Variants in ZZEF1 observed in about 807,000 individuals in gnomAD.
ZZEF1 encodes the protein zinc finger ZZ-type and EF-hand domain containing 1.
A neutral mutation model predicts 342.8 loss-of-function variants in ZZEF1; 157 were observed. The observed-to-expected ratio is 0.46, with a 90% CI of 0.40 to 0.52. The LOEUF (loss-of-function observed/expected upper bound fraction) is 0.52. Among genes scored for constraint, ZZEF1 ranks in the 20% least tolerant of loss-of-function variants. ZZEF1 has a pLI of 0.00. For missense variants in ZZEF1, 3,480 were observed against 3,725.6 expected (o/e 0.93, Z 1.72); for synonymous variants, 1,505 against 1,429.1 (o/e 1.05, Z -1.20).
At chr17:4,101,810 A>T (rs902004125) in intron 9 of ZZEF1, among the ~76,000 whole-genome samples, 1 of 151,940 alleles carries the variant, frequency 6.6e-6, no homozygotes, top group Non-Finnish European at 1.5e-5. Context: ...TAGTTTTTTT[A>T]TTAGGGATGG....
chr17:4,068,942 A>G (rs937408186), intron 26 of ZZEF1, among the ~76,000 whole-genome samples: 1 of 152,206 alleles, frequency 6.6e-6, no homozygotes, highest in Admixed American at 6.5e-5. Flanking sequence ...CCTTAGACAT[A>G]TAATATCTAT....
At chr17:4,096,732 T>C (rs765342020) in intron 9 of ZZEF1, 32 bp from the exon 10 acceptor site, 2 of 1,572,794 alleles carry the variant, frequency 1.3e-6, no homozygotes, top group Admixed American at 1.7e-5. Context: ...GTTAGGGAAC[T>C]AACCCATTTT....
At chr17:4,074,613 C>T (rs2145292835) in intron 23 of ZZEF1, among the ~76,000 whole-genome samples, 1 of 152,288 alleles carries the variant, frequency 6.6e-6, no homozygotes, top group East Asian at 1.9e-4. Flanking sequence ...ACCGACTCAG[C>T]CAGTGGTCAC....
chr17:4,019,629 C>T (rs764437755), intron 46 of ZZEF1, 40 bp downstream of exon 46: 21 of 1,579,410 alleles, frequency 1.3e-5, no homozygotes, highest in Non-Finnish European at 1.8e-5. Context: ...CACATATTCT[C>T]TCCCTGGCCA....
chr17:4,134,811 G>T (rs7216304), intron 1 of ZZEF1, among the ~76,000 whole-genome samples: 1 of 151,980 alleles, frequency 6.6e-6, no homozygotes, highest in Non-Finnish European at 1.5e-5. Flanking sequence ...GACAGGGAGG[G>T]GCGTTAGGGG....
chr17:4,067,218 A>G lies in ZZEF1; in HGVS notation c.4100T>C (p.Leu1367Pro), dbSNP rs1426826169. ...ATAAACCTGGGCAAACTCTTCACTC[A>G]GGGCTATTTTGCCCCCACTGTTGAC... ...KYVNSGGKIALSEEFAQVYSL... is the reference protein window; with the variant it reads ...KYVNSGGKIAPSEEFAQVYSL... Residue 1367 changes from leucine (L) to proline (P), a missense_variant, in exon 27 of 55, where the codon CTG (leucine) becomes CCG (proline). Coordinates refer to ENST00000381638, the MANE Select transcript of ZZEF1 (RefSeq NM_015113.4). 1 of 1,613,406 alleles carries G rather than the reference A, an allele frequency of 6.2e-7. No individual in the cohort carries two copies. The highest frequency in any genetic ancestry group is 1.7e-5 in the Admixed American group (1 of 59,866).
Position 4,014,023 on chromosome 17 carries a change from T to C in ZZEF1, c.8413+67A>G, listed in dbSNP as rs980449565. On this transcript the variant is annotated intron_variant, in intron 51 of 54. Coordinates refer to ENST00000381638, the MANE Select transcript of ZZEF1 (RefSeq NM_015113.4). The surrounding 1 kb of genome is among the most constrained non-coding windows in gnomAD (Gnocchi z 4.4). ...ATTTTAACCAAGATCAGTGACATCATGGCACCCACAGCCATGGAGTGTCCC... is the reference window on the plus strand; with the variant it reads ...ATTTTAACCAAGATCAGTGACATCACGGCACCCACAGCCATGGAGTGTCCC... 11 of 1,450,340 alleles carry C rather than the reference T, an allele frequency of 7.6e-6. No homozygotes were observed. Among genetic ancestry groups the C allele is most frequent in the Admixed American group, 5.2e-5 (3 of 57,406 alleles). 89.8% of individuals were successfully genotyped at this position (1,450,340 alleles called of 1,614,324 possible). A position where few individuals can be genotyped will look rare whatever the true frequency, so the allele number is the denominator to read the frequency against.
intron 28 of ZZEF1, 141 bp downstream of exon 28, chr17:4,066,306 T>C: frequency 1.4e-6 from 1 of 713,276 alleles, no homozygotes; most frequent in East Asian, 2.5e-5. Flanking sequence ...CATCCTTGGA[T>C]ACTATATTTA....
At chr17:4,028,952 G>A (rs2056476778) in intron 42 of ZZEF1, among the ~76,000 whole-genome samples, 1 of 152,114 alleles carries the variant, frequency 6.6e-6, no homozygotes. Flanking sequence ...TTCAGAATGA[G>A]GAATATCATT....
intron 44 of ZZEF1, among the ~76,000 whole-genome samples, chr17:4,021,816 T>C (rs545777073): frequency 1.4e-4 from 22 of 152,292 alleles, no homozygotes; most frequent in African/African-American, 5.1e-4. Flanking sequence ...TTGAATACGA[T>C]GCTCATGATG....
rs890187491 is a variant in ZZEF1 at position 4,105,617 on chromosome 17, A to G, written c.1394+76T>C. On this transcript the variant is annotated intron_variant, in intron 7 of 54. Transcript: ENST00000381638. ...GTGGTGATCGTTAAAAGATTAATATATATTTTTTAAAGACTTAACAAGCAT... is the reference window on the plus strand; with the variant it reads ...GTGGTGATCGTTAAAAGATTAATATGTATTTTTTAAAGACTTAACAAGCAT... 80 of 1,091,912 alleles carry G rather than the reference A, an allele frequency of 7.3e-5. No individual in the cohort carries two copies. The Middle Eastern group carries it at 8.0e-4, about 11-fold the overall frequency. The allele number at this position is 1,091,912 out of a possible 1,614,324, so 67.6% of individuals were successfully genotyped here.
At chr17:4,122,628 G>A (rs1397815603) in intron 2 of ZZEF1, among the ~76,000 whole-genome samples, 2 of 152,072 alleles carry the variant, frequency 1.3e-5, no homozygotes, top group African/African-American at 4.8e-5. Flanking sequence ...CGGGAACTCC[G>A]CCTACCTCGG....
rs1463874001 is a variant in ZZEF1, at chr17:4,104,819, C to A, written c.1395-8G>T. On this transcript the variant is annotated splice_polypyrimidine_tract_variant and splice_region_variant and intron_variant, in intron 7 of 54. Coordinates refer to ENST00000381638, the MANE Select transcript of ZZEF1 (RefSeq NM_015113.4). The stretch of plus-strand genomic sequence containing the variant: ...TCTGGGGTAGAACAGCAGCTATAAG[C>A]AAAGAGCAAAAACTTTTCACTTCTT... 1 of 1,606,648 alleles carries A rather than the reference C, an allele frequency of 6.2e-7. No individual in the cohort carries two copies. Among genetic ancestry groups the A allele is most frequent in the South Asian group, 1.1e-5 (1 of 89,632 alleles).
chr17:4,096,732 T>G, intron 9 of ZZEF1, 32 bp from the exon 10 acceptor site: 1 of 1,572,794 alleles, frequency 6.4e-7, no homozygotes. Context: ...GTTAGGGAAC[T>G]AACCCATTTT....
At chr17:4,035,985 A>G (rs1380755274) in intron 39 of ZZEF1, among the ~76,000 whole-genome samples, 1 of 151,446 alleles carries the variant, frequency 6.6e-6, no homozygotes, top group Non-Finnish European at 1.5e-5. Flanking sequence ...CTGTAATTCC[A>G]GCTACTCAGG....
At position 4,105,765 on chromosome 17, in the gene ZZEF1, G is replaced by A; in HGVS notation, c.1322C>T (p.Ser441Phe). Residue 441 changes from serine to phenylalanine, a missense_variant, in exon 7 of 55, where the codon TCT becomes TTT. This residue lies in a region of ZZEF1 where 1,528 missense variants were observed against 1,624.1 expected (regional missense o/e 0.94). Transcript: ENST00000381638. The part of the protein sequence containing the change: ...HMPPLSLSPG[S>F]TDFSTFLSPN... ...GGAGAGGAAAGTTGAGAAATCTGTA[G>A]ATCCTGGTGAGAGAGAGAGTGGAGG... 1 of 1,613,442 alleles carries A rather than the reference G, an allele frequency of 6.2e-7. No individual in the cohort carries two copies. The highest frequency in any genetic ancestry group is 8.5e-7 in the Non-Finnish European group (1 of 1,179,778).
chr17:4,092,370 C>T (rs1231746492), intron 11 of ZZEF1, among the ~76,000 whole-genome samples: 1 of 140,942 alleles, frequency 7.1e-6, no homozygotes, highest in African/African-American at 2.6e-5. Flanking sequence ...ACAATCTTGG[C>T]TCACTGCAAC....
chr17:4,106,676 C>T (rs2058218411), intron 6 of ZZEF1, among the ~76,000 whole-genome samples: 1 of 152,066 alleles, frequency 6.6e-6, no homozygotes, highest in Non-Finnish European at 1.5e-5. Context: ...ATTTATCTTT[C>T]TGAATCCCCC....
chr17:4,049,830 ATACACC>A lies in ZZEF1; in HGVS notation c.5887_5892del (p.Gly1963_Val1964del), dbSNP rs1204731708. 1 of 1,614,202 alleles carries A rather than the reference ATACACC, an allele frequency of 6.2e-7. No individual in the cohort carries two copies. Among genetic ancestry groups the A allele is most frequent in the Non-Finnish European group, 8.5e-7 (1 of 1,180,022 alleles). On this transcript the variant is annotated inframe_deletion, in exon 37 of 55. Transcript: ENST00000381638. Reference sequence around the variant, plus strand: ...TCTAGGCTCGAGTCCCCATCTGGCAATACACCCAGCAAAGCTAGAGCTTTAAGGCCT... The same window carrying A: ...TCTAGGCTCGAGTCCCCATCTGGCAACAGCAAAGCTAGAGCTTTAAGGCCT...
Sources: gnomAD v4.1 joint callset for allele counts (sites outside exome capture counted in the v4.1 genomes callset) on GRCh38, gnomAD v4.1.1 for gene constraint, gnomAD v4.1.1 regional missense constraint, Gnocchi (gnomAD v3.1) non-coding constraint, MANE v1.5 for transcripts, NCBI Gene and HGNC (gene_info 2026-07-23, HGNC 2026-07-21) for gene names.